Variants in CLRN1 observed in about 807,000 individuals in gnomAD.
CLRN1 encodes the protein clarin 1, also known as clarin-1.
A neutral mutation model predicts 18.7 loss-of-function variants in CLRN1; 15 were observed. The observed-to-expected ratio is 0.80, with a 90% confidence interval of 0.54 to 1.23. CLRN1 has a LOEUF of 1.23. CLRN1 is among the 50% of genes most tolerant of loss of function. The pLI is 0.00. For synonymous variants in CLRN1, 104 were observed against 102.9 expected (o/e 1.01, Z -0.07); for missense variants, 311 against 277.5 (o/e 1.12, Z -0.86).
rs546678136 is a variant in CLRN1, at chr3:150,935,287, C to T, written c.433+6295G>A. ...TTAGGTATATCTCCTAATGCTATCCCTCCCCCCTCTTCCCACCCCACAACA... is the reference window on the plus strand; with the variant it reads ...TTAGGTATATCTCCTAATGCTATCCTTCCCCCCTCTTCCCACCCCACAACA... On this transcript the variant is annotated intron_variant, in intron 2 of 2. Transcript: ENST00000327047. 2.1e-3 allele frequency among the ~76,000 whole-genome samples: 249 copies of T among 117,720 alleles called. 5 individuals carry two copies. Among genetic ancestry groups the T allele is most frequent in the African/African-American group, 7.0e-3 (239 of 33,930 alleles). The allele number at this position is 117,720 out of a possible 152,430, so 77.2% of individuals were successfully genotyped here.
At chr3:150,931,485 A>G (rs956241031) in intron 2 of CLRN1, among the ~76,000 whole-genome samples, 2 of 152,026 alleles carry the variant, frequency 1.3e-5, no homozygotes, top group Non-Finnish European at 2.9e-5. Flanking sequence ...TACTCCTGGG[A>G]CCCCGGAATT....
chr3:150,964,554 G>T (rs913839653), intron 1 of CLRN1, among the ~76,000 whole-genome samples: 2 of 152,046 alleles, frequency 1.3e-5, no homozygotes, highest in African/African-American at 4.8e-5. Context: ...CCCATTACTG[G>T]GTCTATACCC....
intron 2 of CLRN1, among the ~76,000 whole-genome samples, chr3:150,941,198 C>A (rs1713817324): frequency 1.9e-5 from 2 of 105,116 alleles, no homozygotes; most frequent in East Asian, 3.2e-4. Flanking sequence ...TATATATAGC[C>A]CCCATATATA....
At chr3:150,948,350 A>G (rs1334830602) in intron 1 of CLRN1, among the ~76,000 whole-genome samples, 3 of 149,814 alleles carry the variant, frequency 2.0e-5, no homozygotes, top group Admixed American at 6.7e-5. Flanking sequence ...CGGACGTGGT[A>G]GCGGGCGCCT....
At chr3:150,938,225 G>A (rs938070380) in intron 2 of CLRN1, among the ~76,000 whole-genome samples, 3 of 152,182 alleles carry the variant, frequency 2.0e-5, no homozygotes, top group African/African-American at 7.2e-5. Flanking sequence ...GAGAAACAAG[G>A]GAAGAGAACC....
At chr3:150,940,936 C>T (rs1434364053) in intron 2 of CLRN1, among the ~76,000 whole-genome samples, 1 of 152,178 alleles carries the variant, frequency 6.6e-6, no homozygotes, top group East Asian at 1.9e-4. Flanking sequence ...TTGAATATGG[C>T]TGCTCATATG....
At chr3:150,944,246 T>A in intron 1 of CLRN1, 1 of 311,082 alleles carries the variant, frequency 3.2e-6, no homozygotes, top group Non-Finnish European at 6.3e-6. Flanking sequence ...AGAAGTGGGA[T>A]TATTGTGCTG....
chr3:150,943,950 G>A (rs1249391359), intron 1 of CLRN1: 1 of 1,586,254 alleles, frequency 6.3e-7, no homozygotes, highest in African/African-American at 1.3e-5. Flanking sequence ...AGTAAATGGG[G>A]TACCCCTGTT....
chr3:150,968,702 T>C (rs1031129348), intron 1 of CLRN1, among the ~76,000 whole-genome samples: 1 of 152,186 alleles, frequency 6.6e-6, no homozygotes, highest in African/African-American at 2.4e-5. Flanking sequence ...CTAACACACA[T>C]ACAAGTGTAC....
At chr3:150,946,422 G>C (rs1714172901) in intron 1 of CLRN1, among the ~76,000 whole-genome samples, 1 of 152,066 alleles carries the variant, frequency 6.6e-6, no homozygotes, top group Non-Finnish European at 1.5e-5. Flanking sequence ...TCTAGGCAGA[G>C]ACTATTTGTA....
intron 2 of CLRN1, chr3:150,940,568 T>G: frequency 6.6e-7 from 1 of 1,512,960 alleles, no homozygotes; most frequent in Non-Finnish European, 8.9e-7. Context: ...TTACATTGTT[T>G]GCTTTGTGTG....
intron 1 of CLRN1, among the ~76,000 whole-genome samples, chr3:150,957,049 T>C (rs1450883406): frequency 1.3e-5 from 2 of 152,190 alleles, no homozygotes; most frequent in African/African-American, 4.8e-5. Context: ...CTTCCCTTTA[T>C]TCTTAGTGAA....
At chr3:150,935,118 A>C (rs981771292) in intron 2 of CLRN1, among the ~76,000 whole-genome samples, 1 of 141,414 alleles carries the variant, frequency 7.1e-6, no homozygotes, top group South Asian at 2.4e-4. Flanking sequence ...TTGGTCCTAC[A>C]TCAATTTTTG....
At chr3:150,933,745 C>G (rs1289440031) in intron 2 of CLRN1, among the ~76,000 whole-genome samples, 2 of 152,178 alleles carry the variant, frequency 1.3e-5, no homozygotes, top group Non-Finnish European at 2.9e-5. Context: ...AAGGTCATAG[C>G]TGGGCCATGT....
chr3:150,931,657 C>T lies in CLRN1; in HGVS notation c.434-3456G>A, dbSNP rs770115891. On this transcript the variant is annotated intron_variant, in intron 2 of 2. Coordinates refer to ENST00000327047, the MANE Select transcript of CLRN1 (RefSeq NM_174878.3). ...TGTCCACACACCTATGCTTGAGGCT[C>T]TTTACTGTGTGCAGTGGAGCCAGGC... Among the ~76,000 whole-genome samples the T allele has an allele frequency of 3.4e-4, 52 of 152,286 alleles. No individual in the cohort carries two copies. The Middle Eastern group carries it at 0.014, about 40-fold the overall frequency.
chr3:150,964,410 T>A lies in CLRN1; in HGVS notation c.253+8046A>T, dbSNP rs527312792. Among the ~76,000 whole-genome samples, 33 of 152,170 alleles carry A rather than the reference T, an allele frequency of 2.2e-4. 1 individual carries two copies. In the South Asian group the frequency reaches 6.4e-3, roughly 30 times the overall value. ...CATTAAAAAGTCAGGAAGCAACAGA[T>A]GTTGGAGAGGATGTGGAGAAATAGG... On this transcript the variant is annotated intron_variant, in intron 1 of 2. Transcript: ENST00000327047.
intron 2 of CLRN1, among the ~76,000 whole-genome samples, chr3:150,935,704 C>T (rs1713440716): frequency 1.3e-5 from 2 of 151,448 alleles, no homozygotes; most frequent in African/African-American, 4.9e-5. Context: ...GTTCTAGATC[C>T]CTGAGGAATC....
chr3:150,970,929 G>A (rs2107994382), intron 1 of CLRN1, among the ~76,000 whole-genome samples: 1 of 152,330 alleles, frequency 6.6e-6, no homozygotes, highest in Non-Finnish European at 1.5e-5. Flanking sequence ...AAAGTGCTTA[G>A]TATGTAGTAA....
chr3:150,931,490 G>A (rs4679711), intron 2 of CLRN1, among the ~76,000 whole-genome samples: 88,678 of 152,028 alleles, frequency 0.58, 27,680 homozygotes, highest in Non-Finnish European at 0.69. Context: ...CTGGGACCCC[G>A]GAATTGACTT....
Sources: gnomAD v4.1 joint callset for allele counts (sites outside exome capture counted in the v4.1 genomes callset) on GRCh38, gnomAD v4.1.1 for gene constraint, MANE v1.5 for transcripts, NCBI Gene and HGNC (gene_info 2026-07-23, HGNC 2026-07-21) for gene names.